LIN54: variants seen among roughly 807,000 people sequenced by gnomAD.
The protein encoded by LIN54 is lin-54 DREAM MuvB core complex component.
LIN54 carries 9 observed loss-of-function variants against 78.7 expected under a neutral mutation model. The ratio of observed to expected loss-of-function variants is 0.11; its 90% CI spans 0.07 to 0.20. The LOEUF (loss-of-function observed/expected upper bound fraction) is 0.20. Ranked by LOEUF, LIN54 falls within the 10% of genes least tolerant of loss-of-function variation. The probability of loss-of-function intolerance (pLI) is 1.00; values close to 1 mark genes in which losing one functional copy is unlikely to be tolerated. For synonymous variants in LIN54, 269 were observed against 318.4 expected, an observed-to-expected ratio of 0.84 and a Z score of 1.65; for missense variants, 573 against 889.9, an observed-to-expected ratio of 0.64 and a Z score of 4.53.
At position 82,979,051 on chromosome 4, in the gene LIN54, T is replaced by A. The variant is rs372246219; in HGVS notation, c.685-45A>T. ...ATGAAGACCATCTGTTTCTATAAAA[T>A]GCCTATTAAATCAAAATTATACCAA... On this transcript the variant is annotated intron_variant, in intron 2 of 12. Transcript: ENST00000340417. 3.5e-5 allele frequency: 51 copies of A among 1,469,656 alleles called. No homozygotes were observed. The African/African-American group carries it at 4.9e-4, about 14-fold the overall frequency. 91.0% of individuals were successfully genotyped at this position (1,469,656 alleles called of 1,614,324 possible).
rs181402076 is a variant in LIN54 at position 82,995,654 on chromosome 4, C to T, written c.-32-10778G>A. Among the ~76,000 whole-genome samples the T allele has an allele frequency of 3.0e-3, 453 of 151,638 alleles. 5 individuals are homozygous for T. The highest frequency in any genetic ancestry group is 0.01 in the African/African-American group (433 of 41,458). Reference sequence around the variant, plus strand: ...GGGACTACAGGTGCGTGCCACCACACCCGGCTAATTTTTTGTATTTTTAGT... The same window carrying T: ...GGGACTACAGGTGCGTGCCACCACATCCGGCTAATTTTTTGTATTTTTAGT... On this transcript the variant is annotated intron_variant, in intron 1 of 12. Transcript: ENST00000340417.
rs529530991 is a variant in LIN54, at chr4:82,941,757, A to T, written c.1169-1795T>A. ...CTGAATGGTAGGAACTGTAGGTATA[A>T]GCGAAGAAAATGTAAGTCACTGCAG... is the stretch of plus-strand genomic sequence containing the variant. On this transcript the variant is annotated intron_variant, in intron 5 of 12. Coordinates refer to ENST00000340417, the MANE Select transcript of LIN54 (RefSeq NM_194282.4). Among the ~76,000 whole-genome samples the T allele has an allele frequency of 7.2e-5, 11 of 152,308 alleles. 1 individual carries two copies. In the South Asian group the frequency reaches 2.3e-3, roughly 32 times the overall value.
chr4:82,973,118 C>T (rs11942255), intron 3 of LIN54, among the ~76,000 whole-genome samples: 81,059 of 151,896 alleles, frequency 0.53, 23,258 homozygotes, highest in East Asian at 0.78. Context: ...CTGTGGCCTA[C>T]GTTTTTTAAA....
At chr4:82,968,199 A>T (rs4693064) in intron 4 of LIN54, among the ~76,000 whole-genome samples, 82,290 of 152,056 alleles carry the variant, frequency 0.54, 24,127 homozygotes, top group East Asian at 0.78. Context: ...TGTGCCACCA[A>T]GCCCAGCTAA....
rs891133798 is a variant in LIN54 at position 83,010,541 on chromosome 4, C to T, written c.-90G>A. ...CTCCGAGGTAGGGGCTCCAGAAGGT[C>T]CTGGGCAATCCCGAGCCCCGGCGGG... On this transcript the variant is annotated 5_prime_UTR_variant, in exon 1 of 13. Coordinates refer to ENST00000340417, the MANE Select transcript of LIN54 (RefSeq NM_194282.4). The T allele has an allele frequency of 1.9e-5, 23 of 1,200,012 alleles. No homozygotes were observed. The African/African-American group carries it at 2.2e-4, about 12-fold the overall frequency. 74.3% of individuals were successfully genotyped at this position (1,200,012 alleles called of 1,614,324 possible).
At chr4:83,005,792 A>C (rs2126114760) in intron 1 of LIN54, among the ~76,000 whole-genome samples, 1 of 152,272 alleles carries the variant, frequency 6.6e-6, no homozygotes, top group Middle Eastern at 3.4e-3. Flanking sequence ...TACATATCTA[A>C]AAGAAAACAA....
chr4:82,928,202 G>C lies in LIN54; in HGVS notation c.2150C>G (p.Ala717Gly). The change falls in exon 13 of 13, where the codon GCA becomes GGA. Residue 717 changes from alanine to glycine, a missense_variant. Physicochemically the swap from Ala to Gly is moderately conservative, Grantham distance 60 (BLOSUM62 0). Coordinates refer to ENST00000340417, the MANE Select transcript of LIN54 (RefSeq NM_194282.4). ...TTCCTCAAGTATCATCCGTTCCGCTGCTGCCTTTGATTTTCCCTTCTTGTC... is the reference window on the plus strand; with the variant it reads ...TTCCTCAAGTATCATCCGTTCCGCTCCTGCCTTTGATTTTCCCTTCTTGTC... Reference protein sequence around the residue: ...QADKKGKSKAAAERMILEEFG... With the variant: ...QADKKGKSKAGAERMILEEFG... 1 of 1,614,220 alleles carries C rather than the reference G, an allele frequency of 6.2e-7. No individual in the cohort carries two copies. Among genetic ancestry groups the C allele is most frequent in the Non-Finnish European group, 8.5e-7 (1 of 1,180,010 alleles).
chr4:82,983,118 C>G (rs1726815281), intron 2 of LIN54, among the ~76,000 whole-genome samples: 1 of 151,614 alleles, frequency 6.6e-6, no homozygotes. Flanking sequence ...ACCGATTCTC[C>G]TGTCTCAGCC....
In LIN54 at chr4:82,926,793, A is replaced by G. The variant is rs1301482029; in HGVS notation, c.*1309T>C. On this transcript the variant is annotated 3_prime_UTR_variant, in exon 13 of 13. Transcript: ENST00000340417. ...CCACAATTTTGAAAATTTTGTTAGG[A>G]GGCCCATTTCTGTAAATCAAGTAAG... 1 of 152,206 alleles carries G rather than the reference A, an allele frequency of 6.6e-6. No individual in the cohort carries two copies. The highest frequency in any genetic ancestry group is 1.5e-5 in the Non-Finnish European group (1 of 68,040). The allele number at this position is 152,206 out of a possible 1,614,324, so 9.4% of individuals were successfully genotyped here. A position where few individuals can be genotyped will look rare whatever the true frequency, so the allele number is the denominator to read the frequency against.
At position 82,946,387 on chromosome 4, in the gene LIN54, T is replaced by G. The variant is rs770584110; in HGVS notation, c.1039A>C (p.Asn347His). 5 of 1,614,080 alleles carry G rather than the reference T, an allele frequency of 3.1e-6. No homozygotes were observed. Among genetic ancestry groups the G allele is most frequent in the Non-Finnish European group, 4.2e-6 (5 of 1,179,944 alleles). The change falls in exon 5 of 13, where the codon AAT becomes CAT. Residue 347 changes from asparagine to histidine, a missense_variant. Physicochemically the swap from Asn to His is moderately conservative, Grantham distance 68. Around this residue, in one of 6 missense-constraint regions of LIN54, gnomAD observed 199 missense variants for 260.9 expected, o/e 0.76. Coordinates refer to ENST00000340417, the MANE Select transcript of LIN54 (RefSeq NM_194282.4). Reference protein sequence around the residue: ...KTIIPLATAPNVQQIQVPGSK... With the variant: ...KTIIPLATAPHVQQIQVPGSK... ...CCAGGCACTTGAATCTGCTGGACAT[T>G]GGGAGCAGTTGCCAGAGGAATAATT...
At chr4:82,983,379 C>G (rs74508087) in intron 2 of LIN54, among the ~76,000 whole-genome samples, 2,458 of 152,242 alleles carry the variant, frequency 0.016, 34 homozygotes, top group Non-Finnish European at 0.023. Context: ...AACTGGAAAT[C>G]ACTTAATATA....
At chr4:82,976,344 A>T (rs922959609) in intron 3 of LIN54, among the ~76,000 whole-genome samples, 6 of 151,896 alleles carry the variant, frequency 4.0e-5, no homozygotes, top group African/African-American at 1.5e-4. Flanking sequence ...GAAACATAGA[A>T]AAAGATAGTC....
At chr4:83,004,224 C>G (rs1255546394) in intron 1 of LIN54, among the ~76,000 whole-genome samples, 1 of 151,700 alleles carries the variant, frequency 6.6e-6, no homozygotes, top group East Asian at 1.9e-4. Flanking sequence ...AGTGACACCC[C>G]GTCTCTACTA....
chr4:82,982,957 C>T (rs1333298688), intron 2 of LIN54, among the ~76,000 whole-genome samples: 1 of 151,688 alleles, frequency 6.6e-6, no homozygotes, highest in African/African-American at 2.4e-5. Context: ...CTCTTTCAAA[C>T]AGAGGATACA....
Position 82,946,386 on chromosome 4 carries a change from T to C in LIN54, c.1040A>G (p.Asn347Ser). 1 of 1,614,068 alleles carries C rather than the reference T, an allele frequency of 6.2e-7. No individual in the cohort carries two copies. Residue 347 changes from asparagine (N) to serine (S), a missense_variant, in exon 5 of 13, where the codon AAT becomes AGT. Around this residue, in one of 6 missense-constraint regions of LIN54, gnomAD observed 199 missense variants for 260.9 expected, o/e 0.76. Transcript: ENST00000340417. ...TCCAGGCACTTGAATCTGCTGGACA[T>C]TGGGAGCAGTTGCCAGAGGAATAAT... ...KTIIPLATAP[N>S]VQQIQVPGSK... is the part of the protein sequence containing the mutation.
chr4:82,954,017 A>G (rs554141805), intron 4 of LIN54, among the ~76,000 whole-genome samples: 9 of 152,344 alleles, frequency 5.9e-5, no homozygotes, highest in African/African-American at 2.2e-4. Flanking sequence ...AAAAAAAACT[A>G]TCTGTTCCTG....
intron 11 of LIN54, among the ~76,000 whole-genome samples, chr4:82,931,531 A>G (rs1477637624): frequency 6.6e-6 from 1 of 152,236 alleles, no homozygotes; most frequent in African/African-American, 2.4e-5. Context: ...CCTCCCATTT[A>G]TGCATATGTA....
At chr4:82,942,649 C>T (rs1722999987) in intron 5 of LIN54, among the ~76,000 whole-genome samples, 1 of 152,078 alleles carries the variant, frequency 6.6e-6, no homozygotes, top group African/African-American at 2.4e-5. Flanking sequence ...GGACTCCCTC[C>T]ACCACCTGCT....
Position 83,005,608 on chromosome 4 carries a change from G to C in LIN54, c.-33+4876C>G, listed in dbSNP as rs143093951. On this transcript the variant is annotated intron_variant, in intron 1 of 12. Transcript: ENST00000340417. Reference sequence around the variant, plus strand: ...CCACTGCACTCCAGCCTCAGCGACAGAGCAAGACTCCATCTCAGAAAAAAA... The same window carrying C: ...CCACTGCACTCCAGCCTCAGCGACACAGCAAGACTCCATCTCAGAAAAAAA... Among the ~76,000 whole-genome samples, 1,008 of 144,846 alleles carry C rather than the reference G, an allele frequency of 7.0e-3. 8 individuals carry two copies. The highest frequency in any genetic ancestry group is 0.024 in the African/African-American group (928 of 39,020).
Sources: allele counts gnomAD v4.1 joint callset (sites outside exome capture counted in the v4.1 genomes callset), GRCh38; gene constraint gnomAD v4.1.1; regional missense constraint gnomAD v4.1.1; transcripts MANE v1.5; gene names NCBI Gene and HGNC (gene_info 2026-07-23, HGNC 2026-07-21).